The following PRKX variants were observed in gnomAD, a reference collection of about 807,000 sequenced individuals.
The protein encoded by PRKX is protein kinase cAMP-dependent X-linked catalytic subunit, also known as cAMP-dependent protein kinase catalytic subunit PRKX.
PRKX carries 12 observed loss-of-function variants against 22.0 expected under a neutral mutation model. The observed-to-expected ratio is 0.54, with a 90% confidence interval of 0.35 to 0.88. The LOEUF (loss-of-function observed/expected upper bound fraction) is 0.88, where lower values mean the gene tolerates loss of function less well. PRKX is among the 40% of genes least tolerant of loss of function. The pLI is 0.01. For synonymous variants in PRKX, 134 were observed against 137.7 expected (o/e 0.97, Z 0.19); for missense variants, 217 against 308.0 (o/e 0.70, Z 2.21).
intron 3 of PRKX, among the ~76,000 whole-genome samples, chrX:3,651,508 A>G (rs1017628359): frequency 8.9e-6 from 1 of 112,375 alleles, no homozygotes; most frequent in East Asian, 2.8e-4. Context: ...TTCCTACTCC[A>G]TGTAAAATGC....
intron 1 of PRKX, among the ~76,000 whole-genome samples, chrX:3,688,660 C>T (rs141864741): frequency 4.6e-5 from 5 of 109,537 alleles, no homozygotes; most frequent in African/African-American, 6.7e-5. Context: ...CCCAGGAGAT[C>T]GAGACTAGCC....
intron 6 of PRKX, among the ~76,000 whole-genome samples, chrX:3,619,429 T>C (rs1473322623): frequency 7.1e-5 from 8 of 112,098 alleles, no homozygotes; most frequent in African/African-American, 2.6e-4. Flanking sequence ...TACCTGGGAA[T>C]GGAACCCTAC....
chrX:3,664,876 G>A (rs1007160775), intron 2 of PRKX, among the ~76,000 whole-genome samples: 2 of 111,910 alleles, frequency 1.8e-5, no homozygotes, highest in African/African-American at 6.5e-5. Flanking sequence ...TTCACTATTC[G>A]GGTAAGGGGT....
chrX:3,633,918 T>C (rs890955736), intron 4 of PRKX, among the ~76,000 whole-genome samples: 2 of 111,811 alleles, frequency 1.8e-5, no homozygotes, highest in Non-Finnish European at 3.8e-5. Context: ...CCTTGACTTC[T>C]TCCTCAAAAA....
chrX:3,613,150 C>CTAAAAAAAAAAAAAA, intron 7 of PRKX, among the ~76,000 whole-genome samples: 1 of 54,319 alleles, frequency 1.8e-5, no homozygotes, highest in Non-Finnish European at 3.8e-5. Flanking sequence ...GACTTCGTCT[C>CTAAAAAAAAAAAAAA]AAAAAAAAAA....
At chrX:3,700,553 CTTTTT>C (rs200000195) in intron 1 of PRKX, among the ~76,000 whole-genome samples, 1 of 108,679 alleles carries the variant, frequency 9.2e-6, no homozygotes, top group Non-Finnish European at 1.9e-5. Flanking sequence ...TTTTTCTTCT[CTTTTT>C]TTTTCCTTCT....
At chrX:3,653,062 GA>G (rs998309284) in intron 3 of PRKX, among the ~76,000 whole-genome samples, 20 of 109,242 alleles carry the variant, frequency 1.8e-4, no homozygotes, top group African/African-American at 4.3e-4. Context: ...TCCAATCATG[GA>G]AAAAAAAATA....
At chrX:3,657,135 A>ATG in intron 2 of PRKX, among the ~76,000 whole-genome samples, 1 of 112,374 alleles carries the variant, frequency 8.9e-6, no homozygotes, top group South Asian at 3.7e-4. Context: ...ATGTTAAGAT[A>ATG]TGTGTATCCT....
chrX:3,625,604 C>T (rs1354339548), intron 5 of PRKX, among the ~76,000 whole-genome samples: 2 of 110,910 alleles, frequency 1.8e-5, no homozygotes, highest in Non-Finnish European at 3.8e-5. Flanking sequence ...CAGAATCTTG[C>T]TCTGTCGCCC....
intron 1 of PRKX, among the ~76,000 whole-genome samples, chrX:3,687,518 A>G (rs1389771509): frequency 8.9e-6 from 1 of 111,917 alleles, no homozygotes; most frequent in Non-Finnish European, 1.9e-5. Context: ...CCAGTCAACT[A>G]TAAGAATTCC....
At chrX:3,614,716 A>T (rs895247688) in intron 7 of PRKX, among the ~76,000 whole-genome samples, 5 of 111,585 alleles carry the variant, frequency 4.5e-5, no homozygotes, top group African/African-American at 1.6e-4. Context: ...TTGACAGCAT[A>T]GTTGGGTGGG....
At chrX:3,674,348 C>T (rs1927905351) in intron 2 of PRKX, among the ~76,000 whole-genome samples, 1 of 111,850 alleles carries the variant, frequency 8.9e-6, no homozygotes, top group Non-Finnish European at 1.9e-5. Context: ...AGGAGAGGAG[C>T]AAGGGGCCTT....
intron 6 of PRKX, among the ~76,000 whole-genome samples, chrX:3,617,687 C>G (rs1475831067): frequency 9.1e-6 from 1 of 110,025 alleles, no homozygotes; most frequent in Non-Finnish European, 1.9e-5. Flanking sequence ...GGGTGTGTAT[C>G]TACAGTCATG....
At position 3,612,239 on chromosome X, in the gene PRKX, G is replaced by C. The variant is rs145173948; in HGVS notation, c.1038C>G (p.Pro346=). The change falls in exon 8 of 9, where the codon CCC becomes CCG. Residue 346 remains proline, a synonymous_variant. Transcript: ENST00000262848. The part of the protein sequence containing the change: ...YPENDWDTAA[P]VPQKDLEIFK... ...AGATTTCTAAATCCTTCTGCGGCAC[G>C]GGCGCGGCTGTGTCCCAGTCATTCT... 7 of 1,207,885 alleles carry C rather than the reference G, an allele frequency of 5.8e-6. No homozygotes were observed. The African/African-American group carries it at 1.1e-4, about 18-fold the overall frequency.
intron 1 of PRKX, among the ~76,000 whole-genome samples, chrX:3,680,184 C>T (rs1411144680): frequency 9.1e-6 from 1 of 110,187 alleles, no homozygotes; most frequent in Non-Finnish European, 1.9e-5. Context: ...CACTCTGTCG[C>T]CCAGGCTGGA....
intron 3 of PRKX, among the ~76,000 whole-genome samples, chrX:3,654,483 G>GT (rs1297157168): frequency 2.4e-4 from 18 of 75,341 alleles, no homozygotes; most frequent in African/African-American, 5.2e-4. Flanking sequence ...TTTTTGTTTT[G>GT]TTTTTTTTTG....
At chrX:3,616,892 A>G (rs1402673015) in intron 6 of PRKX, among the ~76,000 whole-genome samples, 1 of 111,861 alleles carries the variant, frequency 8.9e-6, no homozygotes, top group Non-Finnish European at 1.9e-5. Context: ...GAATAAGAGA[A>G]TAAAATAAAT....
chrX:3,626,395 T>A lies in PRKX; in HGVS notation c.815+24A>T, dbSNP rs374972071. 3.6e-5 allele frequency: 41 copies of A among 1,144,649 alleles called. No homozygotes were observed. The African/African-American group carries it at 6.6e-4, about 18-fold the overall frequency. The allele number at this position is 1,144,649 out of a possible 1,213,427, so 94.3% of individuals were successfully genotyped here. ...ACACTTTAAAAATAAACACACCTCA[T>A]GATGAGGCAAACGGTTTACTTACTT... On this transcript the variant is annotated intron_variant, in intron 5 of 8. Transcript: ENST00000262848.
At chrX:3,651,048 G>T (rs1373613274) in intron 3 of PRKX, among the ~76,000 whole-genome samples, 3 of 108,393 alleles carry the variant, frequency 2.8e-5, no homozygotes, top group Non-Finnish European at 5.7e-5. Flanking sequence ...CTGCCCCCAT[G>T]AACACAACTT....
Sources: gnomAD v4.1 joint callset for allele counts (sites outside exome capture counted in the v4.1 genomes callset) on GRCh38, gnomAD v4.1.1 for gene constraint, MANE v1.5 for transcripts, NCBI Gene and HGNC (gene_info 2026-07-23, HGNC 2026-07-21) for gene names.